CNTNAP2: variants seen among roughly 807,000 people sequenced by gnomAD.
CNTNAP2 encodes the protein contactin-associated protein-like 2.
A neutral mutation model predicts 155.2 loss-of-function variants in CNTNAP2; 98 were observed. That is an observed-to-expected ratio of 0.63 (90% confidence interval 0.54 to 0.75). The LOEUF (loss-of-function observed/expected upper bound fraction) is 0.75. Ranked by LOEUF, CNTNAP2 falls within the 30% of genes least tolerant of loss-of-function variation. The pLI, the probability that CNTNAP2 is intolerant of heterozygous loss-of-function variation, is 0.00. For synonymous variants in CNTNAP2, 651 were observed against 631.2 expected, an observed-to-expected ratio of 1.03 and a Z score of -0.47; for missense variants, 1,727 against 1,688.1, an observed-to-expected ratio of 1.02 and a Z score of -0.40.
chr7:146,353,094 C>G lies in CNTNAP2; in HGVS notation c.97+236121C>G, dbSNP rs147159603. Among the ~76,000 whole-genome samples the G allele has an allele frequency of 1.6e-3, 251 of 152,176 alleles. 2 individuals carry two copies. The highest frequency in any genetic ancestry group is 5.8e-3 in the African/African-American group (240 of 41,538). On this transcript the variant is annotated intron_variant, in intron 1 of 23. Coordinates refer to ENST00000361727, the MANE Select transcript of CNTNAP2 (RefSeq NM_014141.6). ...TCTCTGCAAACTTTACAACGAAACTCTTAAAAAAGACATGTTAGTACTATG... is the reference window on the plus strand; with the variant it reads ...TCTCTGCAAACTTTACAACGAAACTGTTAAAAAAGACATGTTAGTACTATG...
intron 1 of CNTNAP2, among the ~76,000 whole-genome samples, chr7:146,437,036 G>A (rs541579563): frequency 1.3e-5 from 2 of 151,644 alleles, no homozygotes; most frequent in East Asian, 1.9e-4. Flanking sequence ...CGGGCCGCAC[G>A]GCAGGAGGTG....
chr7:148,294,524 G>A (rs9640519), intron 21 of CNTNAP2, among the ~76,000 whole-genome samples: 115,484 of 151,810 alleles, frequency 0.76, 44,155 homozygotes, highest in South Asian at 0.91. Context: ...TAGGGTGAAG[G>A]AGCAACGCTT....
intron 8 of CNTNAP2, among the ~76,000 whole-genome samples, chr7:147,241,170 C>T (rs1432346935): frequency 6.6e-6 from 1 of 152,138 alleles, no homozygotes; most frequent in Non-Finnish European, 1.5e-5. Context: ...CAATCTTTAA[C>T]AACGTTTCTC....
chr7:146,711,397 GTATAATATATACTATGTAATA>G (rs1563198614), intron 1 of CNTNAP2, among the ~76,000 whole-genome samples: 1 of 146,432 alleles, frequency 6.8e-6, no homozygotes, highest in South Asian at 2.1e-4. Context: ...AACAATATAT[GTATAATATATACTATGTAATA>G]TATAATATAT....
At chr7:147,536,656 T>C (rs1799545228) in intron 11 of CNTNAP2, among the ~76,000 whole-genome samples, 1 of 152,190 alleles carries the variant, frequency 6.6e-6, no homozygotes, top group Non-Finnish European at 1.5e-5. Context: ...AGAGGAGTCC[T>C]GGAGAGGGCT....
chr7:146,697,518 C>T (rs1166497357), intron 1 of CNTNAP2, among the ~76,000 whole-genome samples: 1 of 152,178 alleles, frequency 6.6e-6, no homozygotes. Context: ...GGATCATAGG[C>T]GTGAGCCACC....
intron 1 of CNTNAP2, among the ~76,000 whole-genome samples, chr7:146,246,928 G>A (rs547910812): frequency 6.6e-6 from 1 of 152,310 alleles, no homozygotes; most frequent in East Asian, 1.9e-4. Flanking sequence ...TGGAGATGTG[G>A]CTGGGGTTTG....
intron 21 of CNTNAP2, among the ~76,000 whole-genome samples, chr7:148,321,858 A>G (rs920071513): frequency 1.4e-4 from 21 of 152,150 alleles, no homozygotes; most frequent in Non-Finnish European, 2.9e-5. Context: ...ATGAACTGCA[A>G]AAGAATTCTA....
chr7:147,404,642 A>C (rs1217465194), intron 10 of CNTNAP2, among the ~76,000 whole-genome samples: 3 of 152,142 alleles, frequency 2.0e-5, no homozygotes, highest in Admixed American at 2.0e-4. Context: ...TCTTTATTTA[A>C]ACTTTATTGG....
chr7:146,523,409 T>C (rs1040655592), intron 1 of CNTNAP2, among the ~76,000 whole-genome samples: 3 of 152,080 alleles, frequency 2.0e-5, no homozygotes, highest in Non-Finnish European at 4.4e-5. Context: ...TATCCCCTTA[T>C]TGTATAAAAG....
chr7:147,404,135 A>AT (rs1384877991), intron 10 of CNTNAP2, among the ~76,000 whole-genome samples: 1 of 152,150 alleles, frequency 6.6e-6, no homozygotes, highest in Non-Finnish European at 1.5e-5. Context: ...CATGATAATT[A>AT]TTGATAAGAG....
chr7:147,383,580 T>G (rs780923723), intron 9 of CNTNAP2, among the ~76,000 whole-genome samples: 3 of 151,566 alleles, frequency 2.0e-5, no homozygotes, highest in African/African-American at 7.3e-5. Flanking sequence ...TGAGAACACA[T>G]GGACACAGGG....
chr7:146,451,870 C>CATACGTGTATGTAT (rs1563089244), intron 1 of CNTNAP2, among the ~76,000 whole-genome samples: 13 of 60,390 alleles, frequency 2.2e-4, no homozygotes, highest in South Asian at 2.9e-4. Flanking sequence ...TATATATATA[C>CATACGTGTATGTAT]GTATATATAC....
intron 13 of CNTNAP2, among the ~76,000 whole-genome samples, chr7:147,660,102 G>A (rs1270009367): frequency 6.6e-6 from 1 of 152,154 alleles, no homozygotes; most frequent in East Asian, 1.9e-4. Context: ...GCAAAGCAGT[G>A]GTGATGTGAG....
chr7:146,938,852 C>A (rs1010606714), intron 3 of CNTNAP2, among the ~76,000 whole-genome samples: 1 of 151,928 alleles, frequency 6.6e-6, no homozygotes, highest in Non-Finnish European at 1.5e-5. Context: ...TTACGATATA[C>A]CAAGCCAAGC....
At chr7:147,013,250 G>A (rs1798658952) in intron 3 of CNTNAP2, among the ~76,000 whole-genome samples, 1 of 152,066 alleles carries the variant, frequency 6.6e-6, no homozygotes, top group African/African-American at 2.4e-5. Flanking sequence ...GTCACTGAGA[G>A]ATGTCCCTGG....
chr7:146,698,213 C>T (rs1236830662), intron 1 of CNTNAP2, among the ~76,000 whole-genome samples: 3 of 151,748 alleles, frequency 2.0e-5, no homozygotes, highest in Non-Finnish European at 4.4e-5. Flanking sequence ...CCTCTAAGAA[C>T]CAAAAAAAAT....
chr7:146,733,444 A>G (rs1284288394), intron 1 of CNTNAP2, among the ~76,000 whole-genome samples: 1 of 152,162 alleles, frequency 6.6e-6, no homozygotes. Flanking sequence ...AATAAAATAT[A>G]TACATTTAAA....
rs117800876 is a variant in CNTNAP2 at position 148,313,288 on chromosome 7, G to T, written c.3475+46162G>T. ...ATCGGCATCCGTGATAGTCTAGGGG[G>T]CTTCCGAGGTGATCGGGCAGCGTCC... On this transcript the variant is annotated intron_variant, in intron 21 of 23. Transcript: ENST00000361727. Among the ~76,000 whole-genome samples, 148 of 150,756 alleles carry T rather than the reference G, an allele frequency of 9.8e-4. No individual in the cohort carries two copies. The East Asian group carries it at 0.021, about 21-fold the overall frequency.
Sources: allele counts gnomAD v4.1 joint callset (sites outside exome capture counted in the v4.1 genomes callset), GRCh38; gene constraint gnomAD v4.1.1; transcripts MANE v1.5; gene names NCBI Gene and HGNC (gene_info 2026-07-23, HGNC 2026-07-21).